POFUT3: variants seen among roughly 807,000 people sequenced by gnomAD.
POFUT3 encodes the protein protein O-fucosyltransferase 3.
the POFUT3 span, among the ~76,000 whole-genome samples, chr8:33,401,716 G>C: frequency 6.6e-6 from 1 of 152,002 alleles, no homozygotes; most frequent in East Asian, 1.9e-4. Flanking sequence ...CCACTTTGTG[G>C]TGCAAAATGC....
chr8:33,314,777 G>C, the POFUT3 span, among the ~76,000 whole-genome samples: 1 of 152,128 alleles, frequency 6.6e-6, no homozygotes, highest in African/African-American at 2.4e-5. Flanking sequence ...GAGCTCAGTT[G>C]CATGACCTTG....
At chr8:33,466,261 A>AT in the POFUT3 span, among the ~76,000 whole-genome samples, 9 of 151,976 alleles carry the variant, frequency 5.9e-5, no homozygotes, top group South Asian at 6.2e-4. Flanking sequence ...TACAAAAAAA[A>AT]TTTTTTTTAA....
the POFUT3 span, among the ~76,000 whole-genome samples, chr8:33,370,058 G>A: frequency 2.6e-5 from 4 of 151,402 alleles, no homozygotes; most frequent in South Asian, 4.2e-4. Context: ...ATGGCCAGGC[G>A]CAGTGGCTCA....
the POFUT3 span, among the ~76,000 whole-genome samples, chr8:33,351,945 C>T: frequency 2.6e-5 from 4 of 152,166 alleles, no homozygotes; most frequent in African/African-American, 9.7e-5. Flanking sequence ...CTTCATTCTA[C>T]ATGTGAAGGA....
chr8:33,384,151 T>C, the POFUT3 span, among the ~76,000 whole-genome samples: 3 of 152,102 alleles, frequency 2.0e-5, no homozygotes, highest in South Asian at 2.1e-4. Context: ...TTATGAGTTA[T>C]TGGATTTCAG....
the POFUT3 span, among the ~76,000 whole-genome samples, chr8:33,328,388 CAA>C: frequency 1.4e-5 from 2 of 145,918 alleles, no homozygotes; most frequent in Non-Finnish European, 3.0e-5. Context: ...AAACAAAAAA[CAA>C]AAAAAAAAAG....
the POFUT3 span, among the ~76,000 whole-genome samples, chr8:33,462,705 G>A: frequency 6.6e-6 from 1 of 152,152 alleles, no homozygotes; most frequent in Non-Finnish European, 1.5e-5. Flanking sequence ...CAAGGCAGGA[G>A]GATGGCTTGT....
the POFUT3 span, among the ~76,000 whole-genome samples, chr8:33,434,225 C>T: frequency 6.4e-4 from 98 of 152,326 alleles, no homozygotes; most frequent in African/African-American, 2.1e-3. Flanking sequence ...CACACCACTG[C>T]ACTCCAGCCT....
the POFUT3 span, among the ~76,000 whole-genome samples, chr8:33,437,291 C>A: frequency 6.6e-6 from 1 of 151,872 alleles, no homozygotes; most frequent in African/African-American, 2.4e-5. Flanking sequence ...TCTTGCTTCC[C>A]TAGCACTGTA....
chr8:33,381,299 T>C, the POFUT3 span, among the ~76,000 whole-genome samples: 8 of 152,348 alleles, frequency 5.3e-5, no homozygotes, highest in African/African-American at 1.4e-4. Context: ...TCTTGTCTTT[T>C]AGTCTTTCGT....
chr8:33,413,359 CTCTT>C, the POFUT3 span, among the ~76,000 whole-genome samples: 2 of 152,032 alleles, frequency 1.3e-5, no homozygotes, highest in African/African-American at 2.4e-5. Context: ...CTCACTCACT[CTCTT>C]TCTCTCTCTC....
the POFUT3 span, chr8:33,453,625 T>G: frequency 3.5e-6 from 3 of 861,856 alleles, no homozygotes; most frequent in Non-Finnish European, 5.5e-6. Context: ...CTGTAACAAA[T>G]TACCACAAAC....
chr8:33,463,191 G>C, the POFUT3 span, among the ~76,000 whole-genome samples: 3 of 151,904 alleles, frequency 2.0e-5, no homozygotes, highest in African/African-American at 7.3e-5. Context: ...TAGAATCCTG[G>C]TTAAAAACTT....
chr8:33,339,241 A>T, the POFUT3 span, among the ~76,000 whole-genome samples: 2 of 152,218 alleles, frequency 1.3e-5, no homozygotes, highest in Non-Finnish European at 2.9e-5. Context: ...AGAAGATATA[A>T]AGGAGAATCA....
chr8:33,394,947 G>A, the POFUT3 span, among the ~76,000 whole-genome samples: 1 of 152,186 alleles, frequency 6.6e-6, no homozygotes, highest in African/African-American at 2.4e-5. Flanking sequence ...CTAAGAGGAG[G>A]CTGCATGAGT....
the POFUT3 span, among the ~76,000 whole-genome samples, chr8:33,359,002 A>G: frequency 1.3e-5 from 2 of 152,196 alleles, no homozygotes; most frequent in Non-Finnish European, 2.9e-5. Flanking sequence ...ACTATGGAAA[A>G]TAAGTTTCTT....
the POFUT3 span, among the ~76,000 whole-genome samples, chr8:33,352,622 A>G: frequency 6.6e-6 from 1 of 152,210 alleles, no homozygotes; most frequent in Non-Finnish European, 1.5e-5. Flanking sequence ...AACCAGAGAC[A>G]TCTAGGGGAG....
At chr8:33,345,842 T>G in the POFUT3 span, among the ~76,000 whole-genome samples, 44 of 144,942 alleles carry the variant, frequency 3.0e-4, no homozygotes, top group Admixed American at 2.3e-3. Flanking sequence ...TTTTTTTTTT[T>G]GAGATGGAGT....
the POFUT3 span, among the ~76,000 whole-genome samples, chr8:33,434,610 C>T: frequency 3.3e-5 from 5 of 152,170 alleles, no homozygotes; most frequent in Non-Finnish European, 7.3e-5. Context: ...CATGATCACT[C>T]GTGCCCCACT....
Sources: gnomAD v4.1 joint callset for allele counts (sites outside exome capture counted in the v4.1 genomes callset) on GRCh38, gnomAD v4.1.1 for gene constraint, MANE v1.5 for transcripts, NCBI Gene and HGNC (gene_info 2026-07-23, HGNC 2026-07-21) for gene names.